Variants in PITX3 observed in about 807,000 individuals in gnomAD.
PITX3 encodes the protein paired like homeodomain 3.
Under a neutral mutation model 14.2 loss-of-function variants are expected in PITX3, and 4 were observed. That is an observed-to-expected ratio of 0.28 (90% CI 0.14 to 0.65). PITX3 has a LOEUF of 0.65. PITX3 is among the 30% of genes least tolerant of loss of function. PITX3 has a pLI of 0.82. For missense variants in PITX3, 358 were observed against 426.8 expected (o/e 0.84, Z 1.42); for synonymous variants, 194 against 204.5 (o/e 0.95, Z 0.44).
chr10:102,231,256 C>G (rs926724951), intron 3 of PITX3, among the ~76,000 whole-genome samples, 155 bp from the exon 4 acceptor site: 1 of 152,146 alleles, frequency 6.6e-6, no homozygotes, highest in Non-Finnish European at 1.5e-5. Context: ...CGCACGGAGT[C>G]CGGGGTCGGA....
intron 1 of PITX3, among the ~76,000 whole-genome samples, chr10:102,232,297 A>G (rs761655390): frequency 8.5e-5 from 13 of 152,182 alleles, no homozygotes; most frequent in Admixed American, 3.3e-4. Context: ...CTCTGCATAG[A>G]TATATAAACT....
At chr10:102,236,674 A>G (rs2070403854) in intron 1 of PITX3, among the ~76,000 whole-genome samples, 1 of 152,348 alleles carries the variant, frequency 6.6e-6, no homozygotes, top group East Asian at 1.9e-4. Flanking sequence ...CCCCATGGCA[A>G]TAAGTCAGCT....
At chr10:102,234,174 C>G (rs958222392) in intron 1 of PITX3, among the ~76,000 whole-genome samples, 3 of 152,160 alleles carry the variant, frequency 2.0e-5, no homozygotes, top group African/African-American at 4.8e-5. Context: ...TTATTAGGAG[C>G]CTTTCTCAGG....
chr10:102,234,851 T>C (rs1156426109), intron 1 of PITX3, among the ~76,000 whole-genome samples: 3 of 152,144 alleles, frequency 2.0e-5, no homozygotes, highest in Non-Finnish European at 2.9e-5. Flanking sequence ...CGGCATTCCA[T>C]ACCTGCATCT....
intron 1 of PITX3, among the ~76,000 whole-genome samples, chr10:102,239,214 C>G (rs1479999247): frequency 6.6e-6 from 1 of 152,210 alleles, no homozygotes; most frequent in African/African-American, 2.4e-5. Flanking sequence ...TTCCTAAGAG[C>G]CAGTGACCAG....
chr10:102,230,455 T>G lies in PITX3; in HGVS notation c.*59A>C. Reference sequence around the variant, plus strand: ...AGCAAGCCAGTCAAAATGACCCCAGTCCGCGGAGGCTGTGAATCGTTGCCC... The same window carrying G: ...AGCAAGCCAGTCAAAATGACCCCAGGCCGCGGAGGCTGTGAATCGTTGCCC... On this transcript the variant is annotated 3_prime_UTR_variant, in exon 4 of 4. Coordinates refer to ENST00000370002, the MANE Select transcript of PITX3 (RefSeq NM_005029.4). 6 of 1,557,254 alleles carry G rather than the reference T, an allele frequency of 3.9e-6. No homozygotes were observed. The highest frequency in any genetic ancestry group is 5.2e-6 in the Non-Finnish European group (6 of 1,150,046).
chr10:102,239,576 GA>G (rs2070480630), intron 1 of PITX3, among the ~76,000 whole-genome samples: 1 of 152,208 alleles, frequency 6.6e-6, no homozygotes, highest in African/African-American at 2.4e-5. Flanking sequence ...GCAAACTTTA[GA>G]ACTGAGGAAT....
chr10:102,232,184 C>T (rs2070264483), intron 1 of PITX3, 92 bp from the exon 2 acceptor site: 7 of 746,380 alleles, frequency 9.4e-6, no homozygotes, highest in South Asian at 3.0e-5. Context: ...AATTCCCTGG[C>T]GCCTTTCTCA....
intron 1 of PITX3, among the ~76,000 whole-genome samples, chr10:102,233,944 A>G (rs1256291766): frequency 6.6e-6 from 1 of 152,136 alleles, no homozygotes; most frequent in Non-Finnish European, 1.5e-5. Flanking sequence ...AGGAAGGGAA[A>G]TGGGCAATAC....
rs1265041488 is a variant in PITX3 at position 102,230,521 on chromosome 10, G to C, written c.902C>G (p.Pro301Arg). The part of the protein sequence containing the change: ...LSPCQYAVER[P>R]V ...ATCTACGGGCGGGGCCGCTCATACG[G>C]GCCTTTCCACGGCGTACTGGCACGG... The change falls in exon 4 of 4, where the codon CCC becomes CGC. Residue 301 changes from proline (P) to arginine (R), a missense_variant. This residue lies in a region of PITX3 where 236 missense variants were observed against 250.2 expected (regional missense o/e 0.94). Transcript: ENST00000370002. 4.4e-6 allele frequency: 7 copies of C among 1,608,512 alleles called. No homozygotes were observed. The highest frequency in any genetic ancestry group is 5.9e-6 in the Non-Finnish European group (7 of 1,178,162).
intron 1 of PITX3, among the ~76,000 whole-genome samples, chr10:102,233,257 G>A (rs903137445): frequency 6.7e-5 from 10 of 150,268 alleles, no homozygotes; most frequent in Admixed American, 4.6e-4. Flanking sequence ...GGGCAGCGCT[G>A]CTTTGGTCTG....
intron 1 of PITX3, among the ~76,000 whole-genome samples, chr10:102,233,784 T>G (rs552515557): frequency 1.3e-5 from 2 of 152,312 alleles, no homozygotes; most frequent in East Asian, 3.9e-4. Context: ...CTCCAGGCCA[T>G]AGGCAGGAGC....
intron 1 of PITX3, among the ~76,000 whole-genome samples, chr10:102,232,784 T>G (rs2070285122): frequency 6.6e-6 from 1 of 152,236 alleles, no homozygotes. Flanking sequence ...AGTATCCCCC[T>G]ATACTCATAC....
At chr10:102,239,412 CTA>C (rs1291829107) in intron 1 of PITX3, among the ~76,000 whole-genome samples, 1 of 152,194 alleles carries the variant, frequency 6.6e-6, no homozygotes, top group Non-Finnish European at 1.5e-5. Flanking sequence ...TTCATTTCAC[CTA>C]TAATTTCAGT....
chr10:102,231,123 G>C (rs1031814958), intron 3 of PITX3, 22 bp from the exon 4 acceptor site: 2 of 1,509,314 alleles, frequency 1.3e-6, no homozygotes, highest in Non-Finnish European at 1.8e-6. Flanking sequence ...GGAGAAAGGC[G>C]GTCAGGGCCC....
At position 102,230,840 on chromosome 10, in the gene PITX3, C is replaced by T. The variant is rs1251576243; in HGVS notation, c.583G>A (p.Ala195Thr). ...QPVFSPPSSI[A>T]ASMVPSAAAA... ...GCGGCGGAGGGCACCATGGAGGCGG[C>T]GATGGAGCTGGGTGGCGAGAAGACG... Residue 195 changes from alanine (A) to threonine (T), a missense_variant, in exon 4 of 4, where the codon GCC becomes ACC. Physicochemically the swap from Ala to Thr is moderately conservative, Grantham distance 58 (BLOSUM62 0). This residue lies in a region of PITX3 where 236 missense variants were observed against 250.2 expected (regional missense o/e 0.94). Transcript: ENST00000370002. 3 of 1,586,834 alleles carry T rather than the reference C, an allele frequency of 1.9e-6. No individual in the cohort carries two copies. The highest frequency in any genetic ancestry group is 1.1e-5 in the South Asian group (1 of 87,630).
In PITX3 at chr10:102,230,807, G is replaced by A; in HGVS notation, c.616C>T (p.Pro206Ser). 1.3e-6 allele frequency: 2 copies of A among 1,557,172 alleles called. No individual in the cohort carries two copies. The highest frequency in any genetic ancestry group is 1.7e-6 in the Non-Finnish European group (2 of 1,151,366). ...GCCCCAGGCCCTGGCACGGTGCCCG[G>A]GGCAGCCGCGGCGGAGGGCACCATG... is the stretch of plus-strand genomic sequence containing the variant. Reference protein sequence around the residue: ...ASMVPSAAAAPGTVPGPGALQ... With the variant: ...ASMVPSAAAASGTVPGPGALQ... The change falls in exon 4 of 4, where the codon CCG becomes TCG. Residue 206 changes from proline to serine, a missense_variant. This residue lies in a region of PITX3 where 236 missense variants were observed against 250.2 expected (regional missense o/e 0.94). Transcript: ENST00000370002.
At chr10:102,237,887 G>C (rs1541048) in intron 1 of PITX3, among the ~76,000 whole-genome samples, 101,583 of 149,750 alleles carry the variant, frequency 0.68, 34,786 homozygotes, top group African/African-American at 0.81. Context: ...CTCCTCCCCC[G>C]CCCACCCCAC....
chr10:102,230,744 G>T lies in PITX3; in HGVS notation c.679C>A (p.Pro227Thr), dbSNP rs1590404872. 2.0e-6 allele frequency: 3 copies of T among 1,490,092 alleles called. No individual in the cohort carries two copies. The East Asian group carries it at 7.9e-5, about 39-fold the overall frequency. 92.3% of individuals were successfully genotyped at this position (1,490,092 alleles called of 1,614,324 possible). A position where few individuals can be genotyped will look rare whatever the true frequency, so the allele number is the denominator to read the frequency against. Residue 227 changes from proline to threonine, a missense_variant, in exon 4 of 4, where the codon CCG becomes ACG. Coordinates refer to ENST00000370002, the MANE Select transcript of PITX3 (RefSeq NM_005029.4). ...GLGGGPPGLA[P>T]AAVSSGAVSC... ...ACGGCCCCGGAGGACACGGCGGCCG[G>T]AGCCAGCCCGGGGGGGCCCCCGCCC...
Sources: gnomAD v4.1 joint callset for allele counts (sites outside exome capture counted in the v4.1 genomes callset) on GRCh38, gnomAD v4.1.1 for gene constraint, gnomAD v4.1.1 regional missense constraint, MANE v1.5 for transcripts, NCBI Gene and HGNC (gene_info 2026-07-23, HGNC 2026-07-21) for gene names.